AGTR1: variants seen among roughly 807,000 people sequenced by gnomAD.
AGTR1 encodes type-1 angiotensin II receptor.
Under a neutral mutation model 19.4 loss-of-function variants are expected in AGTR1, and 16 were observed. The ratio of observed to expected loss-of-function variants is 0.82; its 90% confidence interval spans 0.56 to 1.25. The LOEUF is 1.25. Ranked by LOEUF, AGTR1 falls within the 50% of genes most tolerant of loss-of-function variation. AGTR1 has a pLI of 0.00. For missense variants in AGTR1, 373 were observed against 431.9 expected (o/e 0.86, Z 1.21); for synonymous variants, 153 against 154.9 (o/e 0.99, Z 0.09).
chr3:148,709,518 C>T (rs1712863203), intron 2 of AGTR1, among the ~76,000 whole-genome samples: 1 of 152,102 alleles, frequency 6.6e-6, no homozygotes, highest in East Asian at 1.9e-4. Flanking sequence ...CTTTTTCAAA[C>T]CTTTAAGTTT....
At position 148,730,562 on chromosome 3, in the gene AGTR1, T is replaced by C. The variant is rs565937018; in HGVS notation, c.-47-10427T>C. On this transcript the variant is annotated intron_variant, in intron 2 of 2. Coordinates refer to ENST00000349243, the MANE Select transcript of AGTR1 (RefSeq NM_000685.5). ...GCTTCATAAATGTTAAATGAAAACA[T>C]TTTAGCTGAGGGTACTTTTGTTGTT... The C allele has an allele frequency of 3.5e-5, 7 of 197,906 alleles. No homozygotes were observed. The South Asian group carries it at 5.7e-4, about 16-fold the overall frequency. 12.3% of individuals were successfully genotyped at this position (197,906 alleles called of 1,614,324 possible).
intron 2 of AGTR1, among the ~76,000 whole-genome samples, chr3:148,726,607 A>T (rs115360383): frequency 0.014 from 2,182 of 152,112 alleles, 41 homozygotes; most frequent in African/African-American, 0.05. Flanking sequence ...AGCATTCATG[A>T]TATCTTTTCA....
chr3:148,703,955 T>C (rs2107926277), intron 1 of AGTR1, among the ~76,000 whole-genome samples: 1 of 152,272 alleles, frequency 6.6e-6, no homozygotes, highest in South Asian at 2.1e-4. Context: ...ATACCAAAAC[T>C]ATGACAGCCT....
chr3:148,726,730 G>A (rs947585968), intron 2 of AGTR1, among the ~76,000 whole-genome samples: 2 of 151,928 alleles, frequency 1.3e-5, no homozygotes, highest in African/African-American at 4.8e-5. Context: ...TGAAAGCTCT[G>A]ATGTTCTCAA....
At chr3:148,710,099 AT>A (rs1159198591) in intron 2 of AGTR1, among the ~76,000 whole-genome samples, 3 of 152,158 alleles carry the variant, frequency 2.0e-5, no homozygotes, top group Non-Finnish European at 4.4e-5. Context: ...GATTTAGAAC[AT>A]TTCTATCATA....
At chr3:148,714,682 G>A (rs4681443) in intron 2 of AGTR1, among the ~76,000 whole-genome samples, 43,999 of 152,022 alleles carry the variant, frequency 0.29, 9,437 homozygotes, top group African/African-American at 0.61. Context: ...GATTTTCCCA[G>A]GAAACCAGGT....
Position 148,741,534 on chromosome 3 carries a change from C to T in AGTR1, c.499C>T (p.Arg167Ter), listed in dbSNP as rs768866306. ...GGCCAGTTTGCCAGCTATAATCCAT[C>T]GAAATGTATTTTTCATTGAGAACAC... ...GLASLPAIIHRNVFFIENTNI... is the reference protein window; with the variant it reads ...GLASLPAIIH The change falls in exon 3 of 3, where the codon CGA becomes TGA. Residue 167 changes from arginine to a stop codon, truncating the protein, a stop_gained. Transcript: ENST00000349243. LOFTEE classifies it high-confidence loss of function. 3 of 1,614,066 alleles carry T rather than the reference C, an allele frequency of 1.9e-6. No homozygotes were observed. The highest frequency in any genetic ancestry group is 1.7e-5 in the Admixed American group (1 of 60,012).
At chr3:148,708,206 T>C (rs1328809674) in intron 2 of AGTR1, among the ~76,000 whole-genome samples, 179 bp downstream of exon 2, 1 of 152,220 alleles carries the variant, frequency 6.6e-6, no homozygotes, top group African/African-American at 2.4e-5. Flanking sequence ...AGAGCGTTTG[T>C]ATTTATATGG....
intron 1 of AGTR1, among the ~76,000 whole-genome samples, chr3:148,698,943 C>T (rs1031003777): frequency 1.3e-5 from 2 of 151,996 alleles, no homozygotes; most frequent in African/African-American, 2.4e-5. Flanking sequence ...TATAGTCTCC[C>T]GAAGACCTCA....
intron 2 of AGTR1, among the ~76,000 whole-genome samples, chr3:148,734,642 C>T (rs2107965828): frequency 6.6e-6 from 1 of 152,220 alleles, no homozygotes; most frequent in South Asian, 2.1e-4. Context: ...CAGGGGTGAA[C>T]AAAATCATCT....
intron 2 of AGTR1, among the ~76,000 whole-genome samples, chr3:148,730,958 T>C (rs1714221185): frequency 6.6e-6 from 1 of 152,178 alleles, no homozygotes; most frequent in African/African-American, 2.4e-5. Context: ...CTAGTGTAAC[T>C]GAGGTGTCCT....
At chr3:148,706,723 A>C (rs905748385) in intron 1 of AGTR1, among the ~76,000 whole-genome samples, 1 of 152,038 alleles carries the variant, frequency 6.6e-6, no homozygotes, top group Non-Finnish European at 1.5e-5. Context: ...AAGAATTACT[A>C]TGGAAACAAT....
In AGTR1 at chr3:148,741,364, T is replaced by G; in HGVS notation, c.329T>G (p.Phe110Cys). ...AAGATTGCTTCAGCCAGCGTCAGTT[T>G]CAACCTGTACGCTAGTGTGTTTCTA... ...LCKIASASVS[F>C]NLYASVFLLT... The change falls in exon 3 of 3, where the codon TTC becomes TGC. Residue 110 changes from phenylalanine to cysteine, a missense_variant. Phe to Cys is a radical substitution (Grantham distance 205). Coordinates refer to ENST00000349243, the MANE Select transcript of AGTR1 (RefSeq NM_000685.5). The G allele has an allele frequency of 6.2e-7, 1 of 1,605,522 alleles. No homozygotes were observed. Among genetic ancestry groups the G allele is most frequent in the Non-Finnish European group, 8.5e-7 (1 of 1,179,392 alleles).
At position 148,718,402 on chromosome 3, in the gene AGTR1, G is replaced by T. The variant is rs146184087; in HGVS notation, c.-48+10375G>T. ...GGTTTCATCATTTCTAATCAGGATGGCTCTGTAAATGGGATGCCTCATGTT... is the reference window on the plus strand; with the variant it reads ...GGTTTCATCATTTCTAATCAGGATGTCTCTGTAAATGGGATGCCTCATGTT... On this transcript the variant is annotated intron_variant, in intron 2 of 2. Transcript: ENST00000349243. Among the ~76,000 whole-genome samples, 347 of 152,300 alleles carry T rather than the reference G, an allele frequency of 2.3e-3. 1 individual carries two copies. The highest frequency in any genetic ancestry group is 7.9e-3 in the African/African-American group (327 of 41,562).
chr3:148,728,309 G>T (rs1714068509), intron 2 of AGTR1, among the ~76,000 whole-genome samples: 1 of 152,128 alleles, frequency 6.6e-6, no homozygotes, highest in Non-Finnish European at 1.5e-5. Flanking sequence ...CACATAGTAA[G>T]CATCCAATGA....
In AGTR1 at chr3:148,739,743, G is replaced by A. The variant is rs1406914470; in HGVS notation, c.-47-1246G>A. The A allele has an allele frequency of 5.7e-6, 7 of 1,225,002 alleles. No homozygotes were observed. The East Asian group carries it at 9.5e-5, about 17-fold the overall frequency. 75.9% of individuals were successfully genotyped at this position (1,225,002 alleles called of 1,614,324 possible). ...TGTGTTCAGCTCTCCTGAATGCCAA[G>A]CACAACCATGCTTGGCATGGCAGTG... is the stretch of plus-strand genomic sequence containing the variant. On this transcript the variant is annotated intron_variant, in intron 2 of 2. Transcript: ENST00000349243.
rs1407057263 is a variant in AGTR1, at chr3:148,742,979, T to G, written c.*864T>G. 3 of 161,574 alleles carry G rather than the reference T, an allele frequency of 1.9e-5. No homozygotes were observed. Among genetic ancestry groups the G allele is most frequent in the African/African-American group, 7.2e-5 (3 of 41,444 alleles). 10.0% of individuals were successfully genotyped at this position (161,574 alleles called of 1,614,324 possible). A position where few individuals can be genotyped will look rare whatever the true frequency, so the allele number is the denominator to read the frequency against. ...AAAATCTGGCAAAGTTATATTTACTTTAAAATAAAATAATTTTATTGCAAT... is the reference window on the plus strand; with the variant it reads ...AAAATCTGGCAAAGTTATATTTACTGTAAAATAAAATAATTTTATTGCAAT... On this transcript the variant is annotated 3_prime_UTR_variant, in exon 3 of 3. Coordinates refer to ENST00000349243, the MANE Select transcript of AGTR1 (RefSeq NM_000685.5).
rs1353425103 is a variant in AGTR1 at position 148,742,803 on chromosome 3, A to T, written c.*688A>T. ...TCCCAAGTAGTAGTGTCTTCCTAGT[A>T]TATTAGTTTGATTTAATATCTGAGA... On this transcript the variant is annotated 3_prime_UTR_variant, in exon 3 of 3. Coordinates refer to ENST00000349243, the MANE Select transcript of AGTR1 (RefSeq NM_000685.5). The T allele has an allele frequency of 6.0e-6, 1 of 168,000 alleles. No individual in the cohort carries two copies. Among genetic ancestry groups the T allele is most frequent in the Non-Finnish European group, 1.5e-5 (1 of 68,806 alleles). The allele number at this position is 168,000 out of a possible 1,614,324, so 10.4% of individuals were successfully genotyped here.
chr3:148,728,231 A>G (rs575931402), intron 2 of AGTR1, among the ~76,000 whole-genome samples: 18 of 152,342 alleles, frequency 1.2e-4, no homozygotes, highest in African/African-American at 3.8e-4. Context: ...TAACCTGAGC[A>G]ATGGGAATAA....
Sources: allele counts gnomAD v4.1 joint callset (sites outside exome capture counted in the v4.1 genomes callset), GRCh38; gene constraint gnomAD v4.1.1; transcripts MANE v1.5; gene names NCBI Gene and HGNC (gene_info 2026-07-23, HGNC 2026-07-21).